DGKB: variants seen among roughly 807,000 people sequenced by gnomAD.
DGKB encodes the protein diacylglycerol kinase beta.
DGKB carries 67 observed loss-of-function variants against 114.3 expected under a neutral mutation model. That is an observed-to-expected ratio of 0.59 (90% CI 0.48 to 0.72). The LOEUF (loss-of-function observed/expected upper bound fraction) is 0.72. Among genes scored for constraint, DGKB ranks in the 30% least tolerant of loss-of-function variants. The pLI is 0.00. For missense variants in DGKB, 907 were observed against 975.2 expected (o/e 0.93, Z 0.93); for synonymous variants, 398 against 323.1 (o/e 1.23, Z -2.49).
At chr7:14,225,997 A>G (rs1790743069) in intron 23 of DGKB, among the ~76,000 whole-genome samples, 1 of 151,994 alleles carries the variant, frequency 6.6e-6, no homozygotes, top group Non-Finnish European at 1.5e-5. Flanking sequence ...TAAGTCACCA[A>G]TCTCCTAGTT....
chr7:14,178,255 C>T, intron 23 of DGKB, 104 bp from the exon 24 acceptor site: 1 of 1,223,140 alleles, frequency 8.2e-7, no homozygotes, highest in Non-Finnish European at 1.1e-6. Context: ...AGCCACTTCA[C>T]AAAGAAAGCT....
intron 20 of DGKB, among the ~76,000 whole-genome samples, chr7:14,549,114 G>A (rs1794740675): frequency 6.6e-6 from 1 of 152,138 alleles, no homozygotes; most frequent in South Asian, 2.1e-4. Flanking sequence ...AAACCAGCAA[G>A]GTGGTCAGAG....
chr7:14,536,795 T>A (rs567370642), intron 20 of DGKB, among the ~76,000 whole-genome samples: 9 of 152,086 alleles, frequency 5.9e-5, no homozygotes, highest in African/African-American at 2.2e-4. Flanking sequence ...TCACCACTTC[T>A]ATTCAGCATA....
At chr7:14,962,116 A>T (rs1469275805) in intron 1 of DGKB, among the ~76,000 whole-genome samples, 1 of 152,190 alleles carries the variant, frequency 6.6e-6, no homozygotes, top group African/African-American at 2.4e-5. Flanking sequence ...ATGTGACACA[A>T]GTGTATAATT....
rs570062050 is a variant in DGKB, at chr7:14,425,373, C to A, written c.1835+52788G>T. 2.0e-5 allele frequency among the ~76,000 whole-genome samples: 3 copies of A among 152,064 alleles called. No individual in the cohort carries two copies. In the South Asian group the frequency reaches 6.2e-4, roughly 32 times the overall value. On this transcript the variant is annotated intron_variant, in intron 21 of 25. Transcript: ENST00000402815. ...TGTATACTTGGTGAAAGAATAAGAT[C>A]AACTGAACCATATAGTTGCTTTATA...
chr7:14,156,356 G>A (rs1025594774), intron 25 of DGKB, among the ~76,000 whole-genome samples: 2 of 152,148 alleles, frequency 1.3e-5, no homozygotes, highest in Non-Finnish European at 2.9e-5. Context: ...TGGCAAACAT[G>A]TTCTGTAAAG....
intron 1 of DGKB, among the ~76,000 whole-genome samples, chr7:14,867,853 G>T (rs1220424514): frequency 1.3e-5 from 2 of 152,140 alleles, no homozygotes; most frequent in African/African-American, 4.8e-5. Flanking sequence ...TTTAACTGAG[G>T]TATCTGCCAA....
intron 1 of DGKB, among the ~76,000 whole-genome samples, chr7:14,877,295 C>A (rs1853443993): frequency 6.6e-6 from 1 of 152,134 alleles, no homozygotes; most frequent in Non-Finnish European, 1.5e-5. Flanking sequence ...GTGGCTCATG[C>A]CTGTAATCCC....
At chr7:14,398,519 T>C (rs554458000) in intron 21 of DGKB, among the ~76,000 whole-genome samples, 1 of 152,110 alleles carries the variant, frequency 6.6e-6, no homozygotes, top group Non-Finnish European at 1.5e-5. Context: ...ATAAAATTCT[T>C]TTATAAAAAA....
chr7:14,468,570 T>C (rs1042929291), intron 21 of DGKB, among the ~76,000 whole-genome samples: 2 of 151,218 alleles, frequency 1.3e-5, no homozygotes, highest in African/African-American at 4.9e-5. Context: ...ATCTATGTAA[T>C]ATATCTGTTA....
At chr7:14,796,989 C>G (rs1246255369) in intron 2 of DGKB, among the ~76,000 whole-genome samples, 1 of 152,158 alleles carries the variant, frequency 6.6e-6, no homozygotes, top group African/African-American at 2.4e-5. Flanking sequence ...AGAGACTATA[C>G]TGACATGGCT....
At chr7:14,478,734 A>G (rs938358127) in intron 20 of DGKB, among the ~76,000 whole-genome samples, 17 of 151,848 alleles carry the variant, frequency 1.1e-4, no homozygotes, top group African/African-American at 4.1e-4. Flanking sequence ...GAATTTGCTC[A>G]GGTTGTCTTG....
chr7:14,973,319 T>A (rs1035063144), intron 1 of DGKB, among the ~76,000 whole-genome samples: 2 of 151,870 alleles, frequency 1.3e-5, no homozygotes, highest in African/African-American at 4.8e-5. Flanking sequence ...TTCTTCCTCA[T>A]CTATATTGTG....
At chr7:14,575,661 T>C (rs765702777) in intron 19 of DGKB, among the ~76,000 whole-genome samples, 2 of 152,184 alleles carry the variant, frequency 1.3e-5, no homozygotes, top group Non-Finnish European at 2.9e-5. Context: ...CCATCAGAAT[T>C]TGAAATATTG....
intron 1 of DGKB, among the ~76,000 whole-genome samples, chr7:14,958,151 G>A (rs893447269): frequency 2.0e-5 from 3 of 151,866 alleles, no homozygotes; most frequent in Non-Finnish European, 2.9e-5. Context: ...TCAACATCCA[G>A]TCAATCCTAG....
intron 21 of DGKB, among the ~76,000 whole-genome samples, chr7:14,431,839 C>A (rs528343511): frequency 6.6e-6 from 1 of 152,010 alleles, no homozygotes; most frequent in South Asian, 2.1e-4. Context: ...AATAGCCCCT[C>A]ATATGCAATA....
intron 22 of DGKB, among the ~76,000 whole-genome samples, chr7:14,343,569 T>C (rs1375321537): frequency 6.6e-6 from 1 of 151,750 alleles, no homozygotes; most frequent in Non-Finnish European, 1.5e-5. Flanking sequence ...TCTTATTTTA[T>C]AGATCAACAG....
chr7:14,707,393 G>A (rs1585849080), intron 6 of DGKB, among the ~76,000 whole-genome samples: 1 of 147,146 alleles, frequency 6.8e-6, no homozygotes, highest in South Asian at 2.3e-4. Context: ...GAGGTACAAG[G>A]AGGAACTGGT....
chr7:14,558,270 C>A (rs376515508), intron 20 of DGKB, among the ~76,000 whole-genome samples: 1 of 151,570 alleles, frequency 6.6e-6, no homozygotes, highest in Non-Finnish European at 1.5e-5. Flanking sequence ...ATCTTTGTAT[C>A]TAAATTTCTG....
Sources: gnomAD v4.1 joint callset for allele counts (sites outside exome capture counted in the v4.1 genomes callset) on GRCh38, gnomAD v4.1.1 for gene constraint, MANE v1.5 for transcripts, NCBI Gene and HGNC (gene_info 2026-07-23, HGNC 2026-07-21) for gene names.